Variants in ARHGEF6 observed in about 807,000 individuals in gnomAD.
The protein encoded by ARHGEF6 is rho guanine nucleotide exchange factor 6.
In ARHGEF6, 9 loss-of-function variants were observed where a neutral mutation model predicts 70.3. The observed-to-expected ratio is 0.13, with a 90% CI of 0.08 to 0.22. ARHGEF6 has a LOEUF of 0.22. Ranked by LOEUF, ARHGEF6 falls within the 10% of genes least tolerant of loss-of-function variation. The probability of loss-of-function intolerance (pLI) is 1.00; values close to 1 mark genes in which losing one functional copy is unlikely to be tolerated. For synonymous variants in ARHGEF6, 201 were observed against 207.8 expected (o/e 0.97, Z 0.28); for missense variants, 470 against 563.0 (o/e 0.83, Z 1.67).
intron 9 of ARHGEF6, among the ~76,000 whole-genome samples, chrX:136,698,544 G>C (rs1254839315): frequency 1.8e-5 from 2 of 111,893 alleles, no homozygotes; most frequent in South Asian, 3.7e-4. Context: ...AGAGAACCTA[G>C]ATAATATTAA....
intron 6 of ARHGEF6, among the ~76,000 whole-genome samples, chrX:136,716,193 G>A (rs2076735337): frequency 8.9e-6 from 1 of 112,750 alleles, no homozygotes; most frequent in Admixed American, 9.3e-5. Flanking sequence ...CGCCTGCCTT[G>A]GCCTCCCAAA....
At chrX:136,733,220 G>C (rs1245098800) in intron 5 of ARHGEF6, among the ~76,000 whole-genome samples, 1 of 108,959 alleles carries the variant, frequency 9.2e-6, no homozygotes, top group Non-Finnish European at 1.9e-5. Context: ...TTTCTCCTCT[G>C]CTTCACTTTG....
chrX:136,720,836 A>G (rs1420022137), intron 6 of ARHGEF6, among the ~76,000 whole-genome samples: 1 of 112,326 alleles, frequency 8.9e-6, no homozygotes, highest in Non-Finnish European at 1.9e-5. Context: ...ACAAATGTCA[A>G]TCATTTTCCT....
Position 136,666,656 on chromosome X carries a change from T to C in ARHGEF6, c.*1373A>G, listed in dbSNP as rs1471537984. On this transcript the variant is annotated 3_prime_UTR_variant, in exon 22 of 22. Transcript: ENST00000250617. ...TCCCCATCTGGCCAAATTTCTCTTG[T>C]CTTTTGGGGAGGGAGGGGTGAGTGG... 1 of 112,442 alleles carries C rather than the reference T, an allele frequency of 8.9e-6. No individual in the cohort carries two copies. The allele number at this position is 112,442 out of a possible 1,213,427, so 9.3% of individuals were successfully genotyped here. A position where few individuals can be genotyped will look rare whatever the true frequency, so the allele number is the denominator to read the frequency against.
intron 20 of ARHGEF6, 137 bp from the exon 21 acceptor site, chrX:136,669,673 G>A: frequency 2.0e-6 from 1 of 501,995 alleles, no homozygotes. Flanking sequence ...GAATGGTACT[G>A]CTCTAAATGG....
intron 2 of ARHGEF6, among the ~76,000 whole-genome samples, chrX:136,753,124 C>T (rs183901522): frequency 1.8e-5 from 2 of 112,452 alleles, no homozygotes; most frequent in African/African-American, 6.5e-5. Context: ...CACTGGTATT[C>T]CACTTACTAG....
intron 9 of ARHGEF6, among the ~76,000 whole-genome samples, chrX:136,694,964 A>T (rs141230905): frequency 6.6e-4 from 74 of 112,003 alleles, no homozygotes; most frequent in Non-Finnish European, 1.3e-3. Context: ...TCTCAGGGCC[A>T]ATTGTTATAA....
intron 2 of ARHGEF6, among the ~76,000 whole-genome samples, chrX:136,776,192 C>A (rs2077403223): frequency 9.0e-6 from 1 of 111,377 alleles, no homozygotes; most frequent in African/African-American, 3.3e-5. Flanking sequence ...AAAAACAATC[C>A]TAAAATTCAT....
At chrX:136,749,491 G>C (rs1479863982) in intron 2 of ARHGEF6, among the ~76,000 whole-genome samples, 2 of 111,607 alleles carry the variant, frequency 1.8e-5, no homozygotes, top group East Asian at 5.6e-4. Context: ...TAAGGCATGA[G>C]AGCAAAAGTT....
chrX:136,747,607 A>T lies in ARHGEF6; in HGVS notation c.250-15T>A. 8.8e-7 allele frequency: 1 copy of T among 1,136,816 alleles called. No homozygotes were observed. The highest frequency in any genetic ancestry group is 1.2e-6 in the Non-Finnish European group (1 of 830,103). 93.7% of individuals were successfully genotyped at this position (1,136,816 alleles called of 1,213,427 possible). A position where few individuals can be genotyped will look rare whatever the true frequency, so the allele number is the denominator to read the frequency against. On this transcript the variant is annotated splice_polypyrimidine_tract_variant and intron_variant, in intron 2 of 21. Transcript: ENST00000250617. ...GGATCAAATATCTATGAGAAAGGAA[A>T]ATTGAAACCGTAAGACACTACAAGT...
At chrX:136,695,854 A>G (rs2076503833) in intron 9 of ARHGEF6, among the ~76,000 whole-genome samples, 1 of 112,318 alleles carries the variant, frequency 8.9e-6, no homozygotes, top group Non-Finnish European at 1.9e-5. Flanking sequence ...CTTGAATTGC[A>G]TCTATAATTT....
intron 2 of ARHGEF6, among the ~76,000 whole-genome samples, chrX:136,765,600 T>C (rs1279971882): frequency 8.9e-6 from 1 of 112,467 alleles, no homozygotes; most frequent in African/African-American, 3.2e-5. Context: ...GCAAAAAGAA[T>C]AGAAAAAATT....
intron 5 of ARHGEF6, among the ~76,000 whole-genome samples, chrX:136,733,902 G>A (rs1217979436): frequency 2.7e-5 from 3 of 112,120 alleles, no homozygotes; most frequent in African/African-American, 9.7e-5. Context: ...ATGGGCAGGG[G>A]TTCCTGCTGG....
intron 5 of ARHGEF6, among the ~76,000 whole-genome samples, chrX:136,739,008 T>A (rs1423233377): frequency 2.7e-5 from 3 of 110,927 alleles, no homozygotes; most frequent in Non-Finnish European, 5.7e-5. Flanking sequence ...CTGAAATCCA[T>A]CCCCCACGCT....
At chrX:136,755,288 A>G (rs1345779317) in intron 2 of ARHGEF6, among the ~76,000 whole-genome samples, 1 of 112,323 alleles carries the variant, frequency 8.9e-6, no homozygotes, top group African/African-American at 3.2e-5. Flanking sequence ...TAAAAGATGA[A>G]CAAATGCCCT....
In ARHGEF6 at chrX:136,729,878, T is replaced by C. The variant is rs1158728977; in HGVS notation, c.732+2224A>G. ...AAAGAAAGAATACATAATTTCCTGT[T>C]TTATTTAAAAATTTATATACACACA... On this transcript the variant is annotated intron_variant, in intron 6 of 21. Transcript: ENST00000250617. Among the ~76,000 whole-genome samples, 8 of 110,393 alleles carry C rather than the reference T, an allele frequency of 7.2e-5. No individual in the cohort carries two copies. In the Admixed American group the frequency reaches 7.8e-4, roughly 11 times the overall value.
intron 18 of ARHGEF6, among the ~76,000 whole-genome samples, chrX:136,675,345 C>T (rs539425407): frequency 2.5e-4 from 26 of 102,804 alleles, no homozygotes; most frequent in Middle Eastern, 4.9e-3. Context: ...ACACTGGGAC[C>T]GGGGTGGGGG....
chrX:136,685,914 G>C, intron 11 of ARHGEF6, 91 bp from the exon 12 acceptor site: 4 of 993,512 alleles, frequency 4.0e-6, no homozygotes, highest in Non-Finnish European at 5.7e-6. Flanking sequence ...CTGACTCTTT[G>C]GTTCCCACTG....
At chrX:136,737,454 C>T (rs1292277325) in intron 5 of ARHGEF6, 22 of 625,871 alleles carry the variant, frequency 3.5e-5, no homozygotes, top group Non-Finnish European at 4.0e-5. Flanking sequence ...GCAACAAGAG[C>T]GAAACTCCAT....
Sources: gnomAD v4.1 joint callset for allele counts (sites outside exome capture counted in the v4.1 genomes callset) on GRCh38, gnomAD v4.1.1 for gene constraint, MANE v1.5 for transcripts, NCBI Gene and HGNC (gene_info 2026-07-23, HGNC 2026-07-21) for gene names.